The following DRC12 variants were observed in gnomAD, a reference collection of about 807,000 sequenced individuals.
DRC12 encodes the protein dynein regulatory complex subunit 12 homolog, also known as dynein regulatory complex protein 12.
the DRC12 span, among the ~76,000 whole-genome samples, chr11:119,192,957 C>G: frequency 6.6e-6 from 1 of 152,120 alleles, no homozygotes; most frequent in African/African-American, 2.4e-5. Flanking sequence ...CTCTTCTTTA[C>G]TTACAGCAGA....
At chr11:119,194,849 A>C in the DRC12 span, 1 of 1,176,838 alleles carries the variant, frequency 8.5e-7, no homozygotes, top group South Asian at 1.4e-5. Context: ...CCAACTCTCC[A>C]ATCCCCCAGG....
At chr11:119,193,827 C>A in the DRC12 span, 2 of 1,551,712 alleles carry the variant, frequency 1.3e-6, no homozygotes, top group Non-Finnish European at 1.7e-6. Context: ...CCCCTTGCAG[C>A]CTCTGCCTCA....
the DRC12 span, chr11:119,190,268 A>G: frequency 6.2e-7 from 1 of 1,613,536 alleles, no homozygotes; most frequent in African/African-American, 1.3e-5. This position sits in a 1 kb window ranked among gnomAD's most constrained non-coding sequence, Gnocchi z 4.2. Context: ...GTTCTACATC[A>G]AGACACTTTA....
At chr11:119,193,877 T>C in the DRC12 span, 1 of 1,551,284 alleles carries the variant, frequency 6.4e-7, no homozygotes, top group South Asian at 1.2e-5. Context: ...GCTTCATCCC[T>C]CCGTAGAGCT....
chr11:119,195,366 G>A, the DRC12 span: 33 of 1,453,316 alleles, frequency 2.3e-5, no homozygotes, highest in East Asian at 2.5e-5. Flanking sequence ...GGAGCTCTGC[G>A]TGGTCTTCAT....
At chr11:119,192,938 G>A in the DRC12 span, among the ~76,000 whole-genome samples, 4 of 152,168 alleles carry the variant, frequency 2.6e-5, no homozygotes, top group African/African-American at 4.8e-5. Context: ...GAGCCACCGC[G>A]CCTGGAGCCT....
chr11:119,193,958 C>T, the DRC12 span: 14 of 1,449,316 alleles, frequency 9.7e-6, no homozygotes, highest in African/African-American at 2.0e-4. Context: ...ACGTGATGGA[C>T]TTTGCCCACC....
the DRC12 span, chr11:119,190,633 A>T: frequency 7.6e-6 from 12 of 1,573,080 alleles, no homozygotes; most frequent in Non-Finnish European, 1.0e-5. This position sits in a 1 kb window ranked among gnomAD's most constrained non-coding sequence, Gnocchi z 4.2. Flanking sequence ...GTTGTCAGTC[A>T]TCATACGAGC....
At chr11:119,193,528 T>A in the DRC12 span, 2 of 1,368,346 alleles carry the variant, frequency 1.5e-6, no homozygotes, top group Non-Finnish European at 1.9e-6. Flanking sequence ...ATGTGTATCC[T>A]ACACAGCATC....
chr11:119,192,036 T>C, the DRC12 span, among the ~76,000 whole-genome samples: 311 of 150,084 alleles, frequency 2.1e-3, 2 homozygotes, highest in African/African-American at 7.1e-3. Flanking sequence ...AGTGCAGTGG[T>C]GCGATCTCGG....
At chr11:119,195,308 G>C in the DRC12 span, 31 of 956,668 alleles carry the variant, frequency 3.2e-5, no homozygotes, top group African/African-American at 5.1e-4. Flanking sequence ...AAAGAGGTAG[G>C]TCAAGAGAGC....
chr11:119,190,544 A>T, the DRC12 span: 7 of 1,575,248 alleles, frequency 4.4e-6, no homozygotes, highest in Non-Finnish European at 6.1e-6. The surrounding 1 kb of genome is among the most constrained non-coding windows in gnomAD (Gnocchi z 4.2). Context: ...CTTGCCCAGT[A>T]GACATGGTCG....
At chr11:119,194,772 C>A in the DRC12 span, 2 of 439,390 alleles carry the variant, frequency 4.6e-6, no homozygotes, top group South Asian at 2.3e-5. Flanking sequence ...CTCTCACTGC[C>A]CACCCTCTCT....
At chr11:119,193,943 C>T in the DRC12 span, 29 of 1,513,176 alleles carry the variant, frequency 1.9e-5, no homozygotes, top group Middle Eastern at 1.7e-4. Context: ...AATCAGCCCC[C>T]ATGAACGTGA....
At chr11:119,193,909 G>A in the DRC12 span, 8 of 1,549,474 alleles carry the variant, frequency 5.2e-6, no homozygotes, top group East Asian at 2.4e-5. Context: ...CAGAGCCGCC[G>A]TCAGGACTGG....
chr11:119,193,987 G>T, the DRC12 span: 1 of 1,205,572 alleles, frequency 8.3e-7, no homozygotes, highest in East Asian at 2.6e-5. Flanking sequence ...TCTGGTGGTG[G>T]GGTGTCCAGC....
the DRC12 span, among the ~76,000 whole-genome samples, chr11:119,194,535 A>AG: frequency 7.5e-6 from 1 of 133,394 alleles, no homozygotes; most frequent in Non-Finnish European, 1.6e-5. Context: ...AAAAAAAAAA[A>AG]AAAAAAAAAA....
At chr11:119,195,756 G>C in the DRC12 span, 1 of 394,392 alleles carries the variant, frequency 2.5e-6, no homozygotes, top group East Asian at 5.3e-5. Flanking sequence ...CCCTGTACCT[G>C]CTCCCCTCCC....
the DRC12 span, chr11:119,193,756 G>A: frequency 3.9e-5 from 60 of 1,551,266 alleles, no homozygotes; most frequent in African/African-American, 6.0e-4. Flanking sequence ...CTGCTTAACC[G>A]ACCACACACC....
Sources: allele counts gnomAD v4.1 joint callset (sites outside exome capture counted in the v4.1 genomes callset), GRCh38; gene constraint gnomAD v4.1.1; non-coding constraint Gnocchi (gnomAD v3.1); transcripts MANE v1.5; gene names NCBI Gene and HGNC (gene_info 2026-07-23, HGNC 2026-07-21).